Variants in RB1 observed in about 807,000 individuals in gnomAD.
RB1 encodes RB transcriptional corepressor 1.
A neutral mutation model predicts 135.4 loss-of-function variants in RB1; 18 were observed. The observed-to-expected ratio is 0.13, with a 90% confidence interval of 0.09 to 0.20. RB1 has a LOEUF of 0.20. Ranked by LOEUF, RB1 falls within the 10% of genes least tolerant of loss-of-function variation. The pLI is 1.00. For synonymous variants in RB1, 365 were observed against 373.2 expected, an observed-to-expected ratio of 0.98 and a Z score of 0.25; for missense variants, 868 against 1,110.0, an observed-to-expected ratio of 0.78 and a Z score of 3.10.
In RB1 at chr13:48,379,663, C is replaced by T; in HGVS notation, c.1389+13C>T. On this transcript the variant is annotated intron_variant, in intron 14 of 26. Coordinates refer to ENST00000267163, the MANE Select transcript of RB1 (RefSeq NM_000321.3). ...CATGCTTAAATCAGTAAGTTAAAAA[C>T]AATATAAAAAAATTTCAGCCGGGCG... 1 of 1,608,698 alleles carries T rather than the reference C, an allele frequency of 6.2e-7. No individual in the cohort carries two copies. Among genetic ancestry groups the T allele is most frequent in the Non-Finnish European group, 8.5e-7 (1 of 1,177,994 alleles).
At chr13:48,447,742 G>A (rs1949298663) in intron 17 of RB1, among the ~76,000 whole-genome samples, 1 of 152,052 alleles carries the variant, frequency 6.6e-6, no homozygotes. Context: ...CTGCACTATA[G>A]TTTTCCCGTG....
At chr13:48,451,119 CT>C (rs1216211739) in intron 17 of RB1, among the ~76,000 whole-genome samples, 1 of 151,866 alleles carries the variant, frequency 6.6e-6, no homozygotes, top group Non-Finnish European at 1.5e-5. Context: ...ATATGAATAT[CT>C]TTGTTTCTTT....
At chr13:48,400,205 G>A (rs940346078) in intron 17 of RB1, among the ~76,000 whole-genome samples, 3 of 152,088 alleles carry the variant, frequency 2.0e-5, no homozygotes, top group African/African-American at 7.2e-5. Context: ...TTTCAGTGTA[G>A]AAGTAATAAT....
chr13:48,367,282 C>T (rs181956221), intron 9 of RB1, among the ~76,000 whole-genome samples: 32 of 152,062 alleles, frequency 2.1e-4, no homozygotes, highest in African/African-American at 7.2e-4. Flanking sequence ...TTTCTATGCA[C>T]GAAATAGACC....
At chr13:48,407,760 G>T (rs1593475641) in intron 17 of RB1, among the ~76,000 whole-genome samples, 1 of 152,220 alleles carries the variant, frequency 6.6e-6, no homozygotes, top group Middle Eastern at 3.4e-3. Flanking sequence ...GCCCCAAAAA[G>T]CTTTTTAAAA....
At chr13:48,431,109 A>C (rs1593510347) in intron 17 of RB1, among the ~76,000 whole-genome samples, 1 of 148,710 alleles carries the variant, frequency 6.7e-6, no homozygotes, top group East Asian at 2.0e-4. Flanking sequence ...TTAAATGACA[A>C]ATTATGGAAA....
At chr13:48,380,290 A>G in intron 16 of RB1, 49 bp downstream of exon 16, 1 of 1,376,730 alleles carries the variant, frequency 7.3e-7, no homozygotes, top group Non-Finnish European at 1.0e-6. Flanking sequence ...TTAAAGTTAA[A>G]ATGTGGTGTG....
At chr13:48,382,415 T>C (rs1177479358) in intron 17 of RB1, among the ~76,000 whole-genome samples, 1 of 152,200 alleles carries the variant, frequency 6.6e-6, no homozygotes, top group African/African-American at 2.4e-5. Flanking sequence ...TGGTATTTCA[T>C]TGTGGTTTTG....
intron 17 of RB1, among the ~76,000 whole-genome samples, chr13:48,449,410 G>A (rs1338276546): frequency 3.9e-5 from 6 of 152,230 alleles, no homozygotes; most frequent in Admixed American, 1.3e-4. Flanking sequence ...ACCTGGTATC[G>A]CCACTGCCAC....
intron 17 of RB1, chr13:48,411,390 C>A: frequency 6.2e-7 from 1 of 1,609,366 alleles, no homozygotes; most frequent in African/African-American, 1.3e-5. Context: ...GGTTTTATTT[C>A]AGGCAGCAGA....
chr13:48,414,342 CA>C (rs199626771), intron 17 of RB1, among the ~76,000 whole-genome samples: 7,889 of 93,016 alleles, frequency 0.085, 395 homozygotes, highest in African/African-American at 0.19. Context: ...GAGACTATCT[CA>C]AAAAAAAAAA....
chr13:48,367,435 T>G, intron 9 of RB1, 59 bp from the exon 10 acceptor site: 1 of 1,564,098 alleles, frequency 6.4e-7, no homozygotes, highest in Non-Finnish European at 8.7e-7. Flanking sequence ...TGTGCCTCTG[T>G]GTGCTGAGAG....
At chr13:48,464,364 A>G (rs1949423700) in intron 21 of RB1, among the ~76,000 whole-genome samples, 1 of 152,158 alleles carries the variant, frequency 6.6e-6, no homozygotes, top group Non-Finnish European at 1.5e-5. Context: ...TTCAAAAGTA[A>G]TACAAACCAA....
chr13:48,428,900 A>G (rs1366127340), intron 17 of RB1, among the ~76,000 whole-genome samples: 1 of 152,232 alleles, frequency 6.6e-6, no homozygotes, highest in East Asian at 1.9e-4. Context: ...CAGTTAAAGT[A>G]AACACTTATT....
intron 6 of RB1, among the ~76,000 whole-genome samples, chr13:48,353,077 C>T (rs1952562084): frequency 6.6e-6 from 1 of 151,730 alleles, no homozygotes; most frequent in African/African-American, 2.4e-5. Flanking sequence ...GCAAATCAAA[C>T]CCAAAATTAG....
chr13:48,364,966 C>G lies in RB1; in HGVS notation c.934C>G (p.Pro312Ala), dbSNP rs2138116679. The change falls in exon 9 of 27, where the codon CCA becomes GCA. Residue 312 changes from proline to alanine, a missense_variant. Pro to Ala is a conservative substitution (Grantham distance 27). Transcript: ENST00000267163. ...SLGLVTSNGL[P>A]EVENLSKRYE... ...TGGACTTGTAACATCTAATGGACTT[C>G]CAGAGGTAATCTGAAAGGAAATTTA... 6.4e-7 allele frequency: 1 copy of G among 1,569,468 alleles called. No homozygotes were observed. Among genetic ancestry groups the G allele is most frequent in the Non-Finnish European group, 8.7e-7 (1 of 1,153,472 alleles).
At chr13:48,412,730 C>T (rs1224877120) in intron 17 of RB1, 2 of 399,758 alleles carry the variant, frequency 5.0e-6, no homozygotes, top group African/African-American at 4.1e-5. Context: ...CGAGTCCAAC[C>T]CATAGGATTA....
chr13:48,347,251 A>T (rs1952506835), intron 4 of RB1, among the ~76,000 whole-genome samples: 5 of 152,144 alleles, frequency 3.3e-5, no homozygotes, highest in Admixed American at 3.3e-4. Flanking sequence ...TACAGGAAAA[A>T]TAGAAATTCA....
chr13:48,305,236 A>C (rs1224607282), intron 1 of RB1, among the ~76,000 whole-genome samples: 1 of 152,198 alleles, frequency 6.6e-6, no homozygotes, highest in Non-Finnish European at 1.5e-5. Context: ...GTATACACTA[A>C]CAATTCACGG....
Sources: allele counts gnomAD v4.1 joint callset (sites outside exome capture counted in the v4.1 genomes callset), GRCh38; gene constraint gnomAD v4.1.1; transcripts MANE v1.5; gene names NCBI Gene and HGNC (gene_info 2026-07-23, HGNC 2026-07-21).